The following MAST4 variants were observed in gnomAD, a reference collection of about 807,000 sequenced individuals.
MAST4 encodes microtubule associated serine/threonine kinase family member 4.
A neutral mutation model predicts 162.7 loss-of-function variants in MAST4; 89 were observed. That is an observed-to-expected ratio of 0.55 (90% CI 0.46 to 0.65). MAST4 has a LOEUF of 0.65. MAST4 is among the 30% of genes least tolerant of loss of function. MAST4 has a pLI of 0.00. For synonymous variants in MAST4, 1,479 were observed against 1,361.1 expected, an observed-to-expected ratio of 1.09 and a Z score of -1.91; for missense variants, 3,153 against 3,374.0, an observed-to-expected ratio of 0.93 and a Z score of 1.62.
chr5:66,663,254 C>T (rs1195708544), intron 1 of MAST4, among the ~76,000 whole-genome samples: 1 of 152,168 alleles, frequency 6.6e-6, no homozygotes, highest in Non-Finnish European at 1.5e-5. Flanking sequence ...ATCACCAACT[C>T]CTTTTTAGGA....
At chr5:66,998,964 T>C (rs961512660) in intron 4 of MAST4, among the ~76,000 whole-genome samples, 2 of 152,194 alleles carry the variant, frequency 1.3e-5, no homozygotes, top group Non-Finnish European at 2.9e-5. Flanking sequence ...TAAAACAAGA[T>C]AGGAGTTAGG....
intron 4 of MAST4, among the ~76,000 whole-genome samples, chr5:66,964,849 T>A (rs2150173276): frequency 6.6e-6 from 1 of 152,334 alleles, no homozygotes; most frequent in East Asian, 1.9e-4. Flanking sequence ...AATTATCCGT[T>A]GATGCAAAGG....
chr5:66,973,038 C>A (rs1358792600), intron 4 of MAST4, among the ~76,000 whole-genome samples: 1 of 152,182 alleles, frequency 6.6e-6, no homozygotes, highest in Non-Finnish European at 1.5e-5. Flanking sequence ...TTAACACTTG[C>A]CACATTTGCT....
intron 1 of MAST4, among the ~76,000 whole-genome samples, chr5:66,693,200 T>A (rs1379488392): frequency 6.6e-6 from 1 of 152,192 alleles, no homozygotes; most frequent in Non-Finnish European, 1.5e-5. Context: ...TGGTTTGCCT[T>A]GCTTTCAACA....
chr5:66,918,310 T>A (rs778970732), intron 4 of MAST4, among the ~76,000 whole-genome samples: 32 of 152,184 alleles, frequency 2.1e-4, no homozygotes, highest in Non-Finnish European at 3.4e-4. Flanking sequence ...GTAAATATGA[T>A]GTGAACAAAG....
chr5:66,707,752 G>A (rs1042922304), intron 1 of MAST4, among the ~76,000 whole-genome samples: 1 of 152,132 alleles, frequency 6.6e-6, no homozygotes, highest in South Asian at 2.1e-4. Context: ...ATGGTGGTAG[G>A]GGGGAGCAGA....
chr5:66,866,743 A>T (rs1318304060), intron 3 of MAST4, among the ~76,000 whole-genome samples: 2 of 151,966 alleles, frequency 1.3e-5, no homozygotes, highest in Non-Finnish European at 2.9e-5. Context: ...ACTCTTTTTT[A>T]TGTTGTTGCT....
At chr5:66,866,010 G>C (rs962521324) in intron 3 of MAST4, among the ~76,000 whole-genome samples, 2 of 149,392 alleles carry the variant, frequency 1.3e-5, no homozygotes, top group Non-Finnish European at 3.0e-5. Context: ...TGGGGGTGGA[G>C]GTTGCAGTGA....
Position 67,165,260 on chromosome 5 carries a change from A to G in MAST4, c.6081A>G (p.Thr2027=). ...SVGRTHPDFY[T]QTQAMEKAWA... is the part of the protein sequence containing the mutation. Reference sequence around the variant, plus strand: ...GAAGGACCCACCCAGATTTCTATACACAGACCCAGGCCATGGAGAAAGCAT... The same window carrying G: ...GAAGGACCCACCCAGATTTCTATACGCAGACCCAGGCCATGGAGAAAGCAT... Residue 2027 remains threonine (T), a synonymous_variant, in exon 29 of 29, where the codon ACA becomes ACG. Coordinates refer to ENST00000403625, the MANE Select transcript of MAST4 (RefSeq NM_001164664.2). 6.2e-7 allele frequency: 1 copy of G among 1,613,202 alleles called. No individual in the cohort carries two copies. Among genetic ancestry groups the G allele is most frequent in the South Asian group, 1.1e-5 (1 of 91,056 alleles).
At chr5:67,066,619 C>A (rs2561449) in intron 5 of MAST4, among the ~76,000 whole-genome samples, 6 of 151,830 alleles carry the variant, frequency 4.0e-5, no homozygotes, top group African/African-American at 2.4e-5. Flanking sequence ...CTGCCTCCCC[C>A]TAATGGACAT....
At chr5:66,747,040 CT>C (rs1752802276) in intron 1 of MAST4, among the ~76,000 whole-genome samples, 1 of 151,510 alleles carries the variant, frequency 6.6e-6, no homozygotes, top group African/African-American at 2.4e-5. Context: ...GTGTCGTGCT[CT>C]GTCCTTGGGG....
At chr5:66,784,880 T>C (rs1460565566) in intron 2 of MAST4, among the ~76,000 whole-genome samples, 1 of 152,208 alleles carries the variant, frequency 6.6e-6, no homozygotes, top group African/African-American at 2.4e-5. Context: ...TATTGGGGGC[T>C]TGGAACTAAA....
rs148256081 is a variant in MAST4 at position 67,159,586 on chromosome 5, C to T, written c.3649-870C>T. 2.9e-4 allele frequency among the ~76,000 whole-genome samples: 44 copies of T among 152,234 alleles called. No homozygotes were observed. In the East Asian group the frequency reaches 7.2e-3, roughly 25 times the overall value. On this transcript the variant is annotated intron_variant, in intron 26 of 28. Coordinates refer to ENST00000403625, the MANE Select transcript of MAST4 (RefSeq NM_001164664.2). The stretch of plus-strand genomic sequence containing the variant: ...GTACCTCTTGTACTTTCATGGTAAT[C>T]GGGGCCATCTGTGACCTTGAAAGGA...
At chr5:66,921,948 A>G (rs949830732) in intron 4 of MAST4, among the ~76,000 whole-genome samples, 2 of 152,156 alleles carry the variant, frequency 1.3e-5, no homozygotes, top group African/African-American at 4.8e-5. Context: ...AGATGGTACC[A>G]TCTTAGATTG....
At chr5:66,859,317 C>G (rs1759916418) in intron 3 of MAST4, among the ~76,000 whole-genome samples, 1 of 152,116 alleles carries the variant, frequency 6.6e-6, no homozygotes, top group South Asian at 2.1e-4. Flanking sequence ...TTGGTAATTA[C>G]CATTCTACCT....
At chr5:67,042,161 A>C (rs1034913283) in intron 4 of MAST4, among the ~76,000 whole-genome samples, 22 of 152,188 alleles carry the variant, frequency 1.4e-4, no homozygotes, top group African/African-American at 5.1e-4. Context: ...GCAGATTTCT[A>C]CCTTCTAATG....
In MAST4 at chr5:66,651,052, C is replaced by T. The variant is rs1002386744; in HGVS notation, c.363+54034C>T. Among the ~76,000 whole-genome samples, 10 of 152,256 alleles carry T rather than the reference C, an allele frequency of 6.6e-5. No individual in the cohort carries two copies. The South Asian group carries it at 1.0e-3, about 16-fold the overall frequency. On this transcript the variant is annotated intron_variant, in intron 1 of 28. Coordinates refer to ENST00000403625, the MANE Select transcript of MAST4 (RefSeq NM_001164664.2). ...TGAATTACTGCTGTTACATACTTGCCGTGTCACATAGTAGAGCAAAATCTA... is the reference window on the plus strand; with the variant it reads ...TGAATTACTGCTGTTACATACTTGCTGTGTCACATAGTAGAGCAAAATCTA...
rs751787327 is a variant in MAST4, at chr5:67,095,688, C to CTTTTTTTTTT, written c.912+19_912+28dup. ...CTCTACGGTCTCTGTAAGTGCCTGACTTTTTTTTTTTTTTTCTCTTCCTCA... is the reference window on the plus strand; with the variant it reads ...CTCTACGGTCTCTGTAAGTGCCTGACTTTTTTTTTTTTTTTTTTTTTTTTTCTCTTCCTCA... On this transcript the variant is annotated intron_variant, in intron 7 of 28. Coordinates refer to ENST00000403625, the MANE Select transcript of MAST4 (RefSeq NM_001164664.2). 9.9e-7 allele frequency: 1 copy of CTTTTTTTTTT among 1,013,348 alleles called. No homozygotes were observed. Among genetic ancestry groups the CTTTTTTTTTT allele is most frequent in the Non-Finnish European group, 1.3e-6 (1 of 749,020 alleles). The allele number at this position is 1,013,348 out of a possible 1,614,324, so 62.8% of individuals were successfully genotyped here.
At chr5:66,763,969 T>C (rs1753969328) in intron 2 of MAST4, among the ~76,000 whole-genome samples, 1 of 152,202 alleles carries the variant, frequency 6.6e-6, no homozygotes, top group Non-Finnish European at 1.5e-5. Flanking sequence ...CCTTTAAAAA[T>C]GGGCAAGTGA....
Sources: gnomAD v4.1 joint callset for allele counts (sites outside exome capture counted in the v4.1 genomes callset) on GRCh38, gnomAD v4.1.1 for gene constraint, MANE v1.5 for transcripts, NCBI Gene and HGNC (gene_info 2026-07-23, HGNC 2026-07-21) for gene names.